PDE10A: variants seen among roughly 807,000 people sequenced by gnomAD.
PDE10A encodes cAMP and cAMP-inhibited cGMP 3',5'-cyclic phosphodiesterase 10A.
In PDE10A, 39 loss-of-function variants were observed where a neutral mutation model predicts 97.7. The observed-to-expected ratio is 0.40, with a 90% confidence interval of 0.31 to 0.52. PDE10A has a LOEUF of 0.52. Ranked by LOEUF, PDE10A falls within the 20% of genes least tolerant of loss-of-function variation. The pLI is 0.56. For missense variants in PDE10A, 731 were observed against 1,047.8 expected (o/e 0.70, Z 4.17); for synonymous variants, 371 against 376.8 (o/e 0.98, Z 0.18).
At chr6:165,669,628 C>T (rs2128435847) in intron 1 of PDE10A, among the ~76,000 whole-genome samples, 1 of 152,274 alleles carries the variant, frequency 6.6e-6, no homozygotes, top group East Asian at 1.9e-4. Flanking sequence ...TCCAGGTATC[C>T]AGTTAGATTA....
intron 8 of PDE10A, 96 bp from the exon 9 acceptor site, chr6:165,430,441 G>A (rs539698432): frequency 2.6e-5 from 18 of 704,222 alleles, no homozygotes; most frequent in Non-Finnish European, 4.2e-5. Flanking sequence ...TTGAAAGAAG[G>A]CCTAACACAA....
intron 3 of PDE10A, among the ~76,000 whole-genome samples, chr6:165,465,332 A>G (rs945128788): frequency 6.6e-6 from 1 of 152,210 alleles, no homozygotes; most frequent in Non-Finnish European, 1.5e-5. Flanking sequence ...TTACTTTAAA[A>G]AATTTTAAAA....
At chr6:165,759,010 A>G (rs1793190020) in intron 1 of PDE10A, among the ~76,000 whole-genome samples, 1 of 152,206 alleles carries the variant, frequency 6.6e-6, no homozygotes, top group African/African-American at 2.4e-5. Flanking sequence ...ATTTGAGGCC[A>G]CACTGTCAGC....
chr6:165,410,870 C>T (rs1462580856), intron 13 of PDE10A, among the ~76,000 whole-genome samples: 1 of 144,914 alleles, frequency 6.9e-6, no homozygotes, highest in Non-Finnish European at 1.5e-5. Flanking sequence ...GGGCGGATCA[C>T]GAGGTCAGGA....
chr6:165,388,856 G>A lies in PDE10A; in HGVS notation c.2455-403C>T, dbSNP rs920666506. 1.6e-4 allele frequency among the ~76,000 whole-genome samples: 24 copies of A among 152,128 alleles called. No homozygotes were observed. Among genetic ancestry groups the A allele is most frequent in the African/African-American group, 5.6e-4 (23 of 41,400 alleles). ...AATGTTAAATTCTAACAATGCTATT[G>A]CTATTATAAACAATAAATATAACAG... On this transcript the variant is annotated intron_variant, in intron 16 of 21. Coordinates refer to ENST00000539869, the MANE Select transcript of PDE10A (RefSeq NM_001385079.1). This position sits in a 1 kb window ranked among gnomAD's most constrained non-coding sequence, Gnocchi z 4.0.
At chr6:165,783,024 C>A (rs191032785) in intron 1 of PDE10A, among the ~76,000 whole-genome samples, 2 of 148,624 alleles carry the variant, frequency 1.3e-5, no homozygotes, top group Non-Finnish European at 3.0e-5. Context: ...TACACTTCCT[C>A]GCTTATAAAT....
At chr6:165,860,505 C>G (rs1445723498) in intron 1 of PDE10A, among the ~76,000 whole-genome samples, 1 of 151,990 alleles carries the variant, frequency 6.6e-6, no homozygotes, top group African/African-American at 2.4e-5. Flanking sequence ...AACCAGATAC[C>G]CTGGGCAAAG....
intron 4 of PDE10A, among the ~76,000 whole-genome samples, chr6:165,449,497 A>G (rs1791129271): frequency 6.6e-6 from 1 of 152,280 alleles, no homozygotes; most frequent in Non-Finnish European, 1.5e-5. Context: ...GACTGCCTCA[A>G]TTAAACCCCT....
intron 1 of PDE10A, among the ~76,000 whole-genome samples, chr6:165,678,399 C>T (rs1790885911): frequency 7.6e-6 from 1 of 130,928 alleles, no homozygotes; most frequent in Admixed American, 8.1e-5. Flanking sequence ...GAAGCCACCA[C>T]CTTTGTACTC....
At chr6:165,465,197 TA>T (rs1778563634) in intron 3 of PDE10A, among the ~76,000 whole-genome samples, 1 of 151,738 alleles carries the variant, frequency 6.6e-6, no homozygotes, top group East Asian at 1.9e-4. Flanking sequence ...TGGCACAGGC[TA>T]AAAATCTAAC....
chr6:165,963,290 C>T (rs1239590127), intron 1 of PDE10A, among the ~76,000 whole-genome samples: 1 of 152,238 alleles, frequency 6.6e-6, no homozygotes, highest in Non-Finnish European at 1.5e-5. Context: ...GTCTTATTTA[C>T]TAATGACTTA....
intron 1 of PDE10A, among the ~76,000 whole-genome samples, chr6:165,573,552 G>A (rs1235939490): frequency 1.3e-5 from 2 of 152,054 alleles, no homozygotes; most frequent in Non-Finnish European, 2.9e-5. Context: ...GAGACATATT[G>A]AACTATGCCT....
At chr6:165,414,409 T>C (rs959938556) in intron 12 of PDE10A, among the ~76,000 whole-genome samples, 5 of 152,160 alleles carry the variant, frequency 3.3e-5, no homozygotes, top group Non-Finnish European at 4.4e-5. Context: ...TAACGGTAGG[T>C]AGTTACATGG....
chr6:165,508,945 A>C (rs1445049439), intron 2 of PDE10A, among the ~76,000 whole-genome samples: 3 of 152,036 alleles, frequency 2.0e-5, no homozygotes, highest in Admixed American at 6.6e-5. Context: ...CTGCACCTAC[A>C]GAGAGCTCAG....
chr6:165,756,748 C>T (rs940484664), intron 1 of PDE10A, among the ~76,000 whole-genome samples: 1 of 151,992 alleles, frequency 6.6e-6, no homozygotes, highest in Admixed American at 6.6e-5. Flanking sequence ...GCCAAACTGT[C>T]CTCCATCAGC....
chr6:165,650,395 G>C (rs1260722215), intron 1 of PDE10A, among the ~76,000 whole-genome samples: 1 of 151,968 alleles, frequency 6.6e-6, no homozygotes, highest in Non-Finnish European at 1.5e-5. Context: ...TTACCGCCCA[G>C]CAAGTGTTAC....
chr6:165,760,443 CA>C (rs1266045331), intron 1 of PDE10A, among the ~76,000 whole-genome samples: 2 of 152,162 alleles, frequency 1.3e-5, no homozygotes, highest in African/African-American at 4.8e-5. Context: ...AAGGTCTGAC[CA>C]AGCTAATACG....
At chr6:165,704,705 A>T (rs1193901559) in intron 1 of PDE10A, among the ~76,000 whole-genome samples, 1 of 152,240 alleles carries the variant, frequency 6.6e-6, no homozygotes, top group Non-Finnish European at 1.5e-5. Context: ...CTTCACAGGA[A>T]CTATCTCTTT....
intron 18 of PDE10A, among the ~76,000 whole-genome samples, chr6:165,373,899 C>A (rs1450529549): frequency 6.6e-6 from 1 of 151,422 alleles, no homozygotes; most frequent in Non-Finnish European, 1.5e-5. Context: ...TACTATGCAG[C>A]CATAAAAAAT....
Sources: allele counts gnomAD v4.1 joint callset (sites outside exome capture counted in the v4.1 genomes callset), GRCh38; gene constraint gnomAD v4.1.1; non-coding constraint Gnocchi (gnomAD v3.1); transcripts MANE v1.5; gene names NCBI Gene and HGNC (gene_info 2026-07-23, HGNC 2026-07-21).